Variants in CACNA1G observed in about 807,000 individuals in gnomAD.
CACNA1G encodes voltage-dependent T-type calcium channel subunit alpha-1G.
CACNA1G carries 67 observed loss-of-function variants against 219.4 expected under a neutral mutation model. That is an observed-to-expected ratio of 0.31 (90% confidence interval 0.25 to 0.37). CACNA1G has a LOEUF of 0.37. Among genes scored for constraint, CACNA1G ranks in the 10% least tolerant of loss-of-function variants. The pLI is 1.00. For synonymous variants in CACNA1G, 1,296 were observed against 1,345.3 expected, an observed-to-expected ratio of 0.96 and a Z score of 0.80; for missense variants, 2,380 against 3,231.4, an observed-to-expected ratio of 0.74 and a Z score of 6.39.
chr17:50,601,217 T>G, intron 19 of CACNA1G, 43 bp downstream of exon 19: 2 of 1,606,290 alleles, frequency 1.2e-6, no homozygotes, highest in Non-Finnish European at 1.7e-6. Flanking sequence ...CTCCTGGGGT[T>G]TGCACTCAGG....
chr17:50,623,839 G>A (rs1037002870), intron 35 of CACNA1G, 68 bp from the exon 36 acceptor site: 43 of 1,519,342 alleles, frequency 2.8e-5, no homozygotes, highest in Non-Finnish European at 3.3e-5. Flanking sequence ...TCTGTTGTCA[G>A]CGCTGCCTCA....
intron 8 of CACNA1G, 70 bp downstream of exon 8, chr17:50,576,396 G>T (rs1438947606): frequency 6.8e-7 from 1 of 1,460,792 alleles, no homozygotes; most frequent in Non-Finnish European, 9.4e-7. Context: ...GAGGGGACTA[G>T]GGGGTCTGGA....
At position 50,599,475 on chromosome 17, in the gene CACNA1G, C is replaced by T. The variant is rs1311583665; in HGVS notation, c.3306C>T (p.Ser1102=). The T allele has an allele frequency of 1.9e-6, 3 of 1,584,574 alleles. No individual in the cohort carries two copies. Among genetic ancestry groups the T allele is most frequent in the Non-Finnish European group, 2.6e-6 (3 of 1,166,580 alleles). The change falls in exon 17 of 38, where the codon AGC becomes AGT. Residue 1102 remains serine, a synonymous_variant. Coordinates refer to ENST00000359106, the MANE Select transcript of CACNA1G (RefSeq NM_018896.5). ...SPHSPWSAAS[S]WTSRRSSRNS... ...ACAGCCCCTGGAGCGCTGCAAGCAGCTGGACCAGCAGGCGCTCCAGCCGGA... is the reference window on the plus strand; with the variant it reads ...ACAGCCCCTGGAGCGCTGCAAGCAGTTGGACCAGCAGGCGCTCCAGCCGGA...
At chr17:50,562,920 G>C (rs1555630539) in intron 1 of CACNA1G, among the ~76,000 whole-genome samples, 1 of 152,198 alleles carries the variant, frequency 6.6e-6, no homozygotes, top group Non-Finnish European at 1.5e-5. Flanking sequence ...CTCCCTGGCG[G>C]GTCCTGCCAC....
intron 26 of CACNA1G, among the ~76,000 whole-genome samples, chr17:50,614,680 T>C (rs2050045723): frequency 6.6e-6 from 1 of 152,202 alleles, no homozygotes; most frequent in South Asian, 2.1e-4. Context: ...GGCTGGGCAG[T>C]GCCTCATTAG....
intron 9 of CACNA1G, among the ~76,000 whole-genome samples, chr17:50,585,094 G>T (rs1219116262): frequency 2.0e-5 from 3 of 152,120 alleles, no homozygotes; most frequent in African/African-American, 7.2e-5. Context: ...CCCACCATGG[G>T]CTAGACGCTG....
At chr17:50,588,257 A>G (rs2043401828) in intron 9 of CACNA1G, among the ~76,000 whole-genome samples, 1 of 101,354 alleles carries the variant, frequency 9.9e-6, no homozygotes, top group Non-Finnish European at 2.0e-5. Flanking sequence ...GCCCCTCACC[A>G]TCACCGTGGC....
intron 2 of CACNA1G, 49 bp from the exon 3 acceptor site, chr17:50,569,116 A>T: frequency 6.2e-7 from 1 of 1,600,232 alleles, no homozygotes; most frequent in Non-Finnish European, 8.5e-7. Context: ...ACTAGAGGGT[A>T]TTCCCTCACC....
Position 50,569,239 on chromosome 17 carries a change from G to A in CACNA1G, c.429G>A (p.Gly143=). Residue 143 remains glycine, a synonymous_variant, in exon 3 of 38, where the codon GGG becomes GGA. Transcript: ENST00000359106. ...VVKMVALGIF[G]KKCYLGDTWN... is the part of the protein sequence containing the mutation. ...AGATGGTGGCCTTGGGCATCTTTGG[G>A]AAAAAGTGTTACCTGGGAGACACTT... The A allele has an allele frequency of 5.0e-6, 8 of 1,613,818 alleles. No homozygotes were observed. Among genetic ancestry groups the A allele is most frequent in the Non-Finnish European group, 6.8e-6 (8 of 1,179,814 alleles).
intron 4 of CACNA1G, among the ~76,000 whole-genome samples, chr17:50,570,019 G>C (rs531805219): frequency 2.0e-4 from 30 of 152,266 alleles, no homozygotes; most frequent in African/African-American, 6.7e-4. Flanking sequence ...TTTTAGCCTG[G>C]CTTTAGGTCA....
chr17:50,603,566 C>A lies in CACNA1G; in HGVS notation c.4169+367C>A, dbSNP rs146367338. On this transcript the variant is annotated intron_variant, in intron 21 of 37. Transcript: ENST00000359106. The surrounding 1 kb of genome is among the most constrained non-coding windows in gnomAD (Gnocchi z 6.4). ...GGCCTCTAGGGGTGACACTCAGCCC[C>A]TCCCCGTGAGGTGACAGGCTCCTCT... Among the ~76,000 whole-genome samples, 185 of 152,218 alleles carry A rather than the reference C, an allele frequency of 1.2e-3. No individual in the cohort carries two copies. Among genetic ancestry groups the A allele is most frequent in the African/African-American group, 4.4e-3 (181 of 41,522 alleles).
chr17:50,597,452 T>C (rs1402838137), intron 16 of CACNA1G, among the ~76,000 whole-genome samples: 2 of 152,240 alleles, frequency 1.3e-5, no homozygotes, highest in African/African-American at 4.8e-5. Context: ...CTAGTGTTGG[T>C]GCCCATGCTC....
intron 28 of CACNA1G, among the ~76,000 whole-genome samples, 169 bp downstream of exon 28, chr17:50,616,553 C>T (rs944092906): frequency 1.3e-5 from 2 of 152,080 alleles, no homozygotes; most frequent in Non-Finnish European, 2.9e-5. Flanking sequence ...GGCATGGTCT[C>T]CAGGACCAGG....
chr17:50,565,660 C>T (rs4794163), intron 1 of CACNA1G, among the ~76,000 whole-genome samples: 64,346 of 151,996 alleles, frequency 0.42, 14,781 homozygotes, highest in East Asian at 0.88. Context: ...CCTTCTCAGC[C>T]CATGCCCAGA....
chr17:50,617,603 A>G lies in CACNA1G; in HGVS notation c.5155+32A>G. 1.2e-6 allele frequency: 2 copies of G among 1,608,224 alleles called. No homozygotes were observed. Among genetic ancestry groups the G allele is most frequent in the Non-Finnish European group, 8.5e-7 (1 of 1,176,282 alleles). On this transcript the variant is annotated intron_variant, in intron 29 of 37. Coordinates refer to ENST00000359106, the MANE Select transcript of CACNA1G (RefSeq NM_018896.5). The surrounding 1 kb of genome is among the most constrained non-coding windows in gnomAD (Gnocchi z 5.8). Reference sequence around the variant, plus strand: ...GCCCAGCCCACGCACCTGCCCTCCTAGGGTGACCAGCCCAGGGAGAGAGAG... The same window carrying G: ...GCCCAGCCCACGCACCTGCCCTCCTGGGGTGACCAGCCCAGGGAGAGAGAG...
At chr17:50,563,477 A>G (rs539222830) in intron 1 of CACNA1G, among the ~76,000 whole-genome samples, 1 of 152,150 alleles carries the variant, frequency 6.6e-6, no homozygotes, top group African/African-American at 2.4e-5. Flanking sequence ...AAAAGCATCA[A>G]CCTCTATGTC....
chr17:50,564,983 T>A (rs2037263521), intron 1 of CACNA1G, among the ~76,000 whole-genome samples: 1 of 151,892 alleles, frequency 6.6e-6, no homozygotes, highest in Non-Finnish European at 1.5e-5. Flanking sequence ...TCACCCGTAG[T>A]GCCAGTTGGA....
chr17:50,610,018 G>T (rs2048871522), intron 26 of CACNA1G, 83 bp downstream of exon 26: 1 of 1,388,048 alleles, frequency 7.2e-7, no homozygotes, highest in East Asian at 2.3e-5. Flanking sequence ...CTATCCTCTT[G>T]GGGTGAAAGG....
At chr17:50,597,215 G>GGTGTCC (rs1272523909) in intron 16 of CACNA1G, among the ~76,000 whole-genome samples, 2 of 152,118 alleles carry the variant, frequency 1.3e-5, no homozygotes, top group East Asian at 3.9e-4. Context: ...ATGGAGGTGG[G>GGTGTCC]GTGTCCATAC....
Sources: gnomAD v4.1 joint callset for allele counts (sites outside exome capture counted in the v4.1 genomes callset) on GRCh38, gnomAD v4.1.1 for gene constraint, Gnocchi (gnomAD v3.1) non-coding constraint, MANE v1.5 for transcripts, NCBI Gene and HGNC (gene_info 2026-07-23, HGNC 2026-07-21) for gene names.